ANKS1B: variants seen among roughly 807,000 people sequenced by gnomAD.
The protein encoded by ANKS1B is ankyrin repeat and sterile alpha motif domain-containing protein 1B.
A neutral mutation model predicts 148.3 loss-of-function variants in ANKS1B; 36 were observed. That is an observed-to-expected ratio of 0.24 (90% confidence interval 0.19 to 0.32). ANKS1B has a LOEUF of 0.32. Among genes scored for constraint, ANKS1B ranks in the 10% least tolerant of loss-of-function variants. The probability of loss-of-function intolerance (pLI) is 1.00; values close to 1 mark genes in which losing one functional copy is unlikely to be tolerated. For synonymous variants in ANKS1B, 542 were observed against 560.8 expected (o/e 0.97, Z 0.47); for missense variants, 1,157 against 1,542.6 (o/e 0.75, Z 4.19).
At chr12:98,745,949 A>C in intron 26 of ANKS1B, 100 bp from the exon 27 acceptor site, 3 of 1,303,254 alleles carry the variant, frequency 2.3e-6, no homozygotes, top group Non-Finnish European at 3.1e-6. Flanking sequence ...CCCTCGCCCC[A>C]GGCGCGGGGC....
At chr12:98,841,359 C>T (rs190988837) in intron 17 of ANKS1B, among the ~76,000 whole-genome samples, 40 of 152,170 alleles carry the variant, frequency 2.6e-4, no homozygotes, top group African/African-American at 7.0e-4. Context: ...CTGGTTACTC[C>T]GTTTTTGGAT....
At chr12:99,936,185 A>G (rs1464190843) in intron 1 of ANKS1B, among the ~76,000 whole-genome samples, 1 of 152,192 alleles carries the variant, frequency 6.6e-6, no homozygotes, top group Non-Finnish European at 1.5e-5. Flanking sequence ...GGGTGGGGAC[A>G]TGGAGCCAAA....
intron 17 of ANKS1B, among the ~76,000 whole-genome samples, chr12:99,003,189 C>T (rs914724381): frequency 6.6e-6 from 1 of 152,116 alleles, no homozygotes; most frequent in Non-Finnish European, 1.5e-5. Flanking sequence ...TTCTATTGGT[C>T]TATAGTCTGT....
intron 18 of ANKS1B, chr12:98,830,940 A>ATTCTTTTT (rs1566958832): frequency 8.8e-5 from 4 of 45,526 alleles, no homozygotes; most frequent in Non-Finnish European, 1.2e-4. Context: ...CTACCTCATA[A>ATTCTTTTT]TTTTTTTTTT....
intron 14 of ANKS1B, among the ~76,000 whole-genome samples, chr12:99,200,957 G>A (rs1395166586): frequency 3.9e-5 from 6 of 152,178 alleles, no homozygotes; most frequent in Non-Finnish European, 7.3e-5. Flanking sequence ...TCTCTATGGA[G>A]TGCCATTTGA....
intron 9 of ANKS1B, among the ~76,000 whole-genome samples, chr12:99,530,432 C>T (rs892017176): frequency 6.6e-6 from 1 of 152,158 alleles, no homozygotes; most frequent in African/African-American, 2.4e-5. Flanking sequence ...CAGTTAACTT[C>T]CCTGAGAAAA....
In ANKS1B at chr12:99,177,642, T is replaced by C. The variant is rs1163757560; in HGVS notation, c.2420-23247A>G. Reference sequence around the variant, plus strand: ...CATTAGCACATCCCAGCAGAGGTATTACCCTTGGCCTCCTTAATTCCTGTC... The same window carrying C: ...CATTAGCACATCCCAGCAGAGGTATCACCCTTGGCCTCCTTAATTCCTGTC... On this transcript the variant is annotated intron_variant, in intron 14 of 26. Coordinates refer to ENST00000683438, the MANE Select transcript of ANKS1B (RefSeq NM_001352186.2). 3.3e-5 allele frequency among the ~76,000 whole-genome samples: 5 copies of C among 152,378 alleles called. No homozygotes were observed. In the East Asian group the frequency reaches 9.6e-4, roughly 29 times the overall value.
chr12:98,884,642 A>G (rs1286928767), intron 17 of ANKS1B, among the ~76,000 whole-genome samples: 16 of 151,272 alleles, frequency 1.1e-4, no homozygotes, highest in Admixed American at 1.1e-3. Flanking sequence ...TACTAAAAAT[A>G]CAAAAAATTA....
chr12:99,564,400 T>G (rs1253959298), intron 9 of ANKS1B, among the ~76,000 whole-genome samples: 1 of 149,414 alleles, frequency 6.7e-6, no homozygotes, highest in Non-Finnish European at 1.5e-5. Flanking sequence ...AAAAATTAAG[T>G]TATAATACTC....
At chr12:99,045,683 C>T (rs888236026) in intron 17 of ANKS1B, among the ~76,000 whole-genome samples, 1 of 152,150 alleles carries the variant, frequency 6.6e-6, no homozygotes, top group Non-Finnish European at 1.5e-5. Flanking sequence ...ATGGACACAA[C>T]TAAAAGTCCA....
At chr12:99,032,120 T>C (rs754416171) in intron 17 of ANKS1B, among the ~76,000 whole-genome samples, 4 of 152,130 alleles carry the variant, frequency 2.6e-5, no homozygotes, top group African/African-American at 9.7e-5. Context: ...CAAACCCTCA[T>C]GGGGGTCATG....
At chr12:99,752,531 T>G (rs1411278859) in intron 8 of ANKS1B, among the ~76,000 whole-genome samples, 1 of 152,074 alleles carries the variant, frequency 6.6e-6, no homozygotes, top group Non-Finnish European at 1.5e-5. Context: ...GGATTAGCTT[T>G]AAAATAAGAG....
intron 8 of ANKS1B, among the ~76,000 whole-genome samples, chr12:99,656,753 TA>T (rs34867073): frequency 2.0e-5 from 3 of 150,968 alleles, no homozygotes; most frequent in Non-Finnish European, 3.0e-5. Flanking sequence ...AGACTCAATT[TA>T]AAAAAAAAGA....
intron 1 of ANKS1B, among the ~76,000 whole-genome samples, chr12:99,842,296 CAGAAA>C (rs2085873912): frequency 1.3e-5 from 2 of 152,060 alleles, no homozygotes; most frequent in African/African-American, 4.8e-5. Context: ...ACATTATAGT[CAGAAA>C]AGAATTCTTC....
At chr12:99,971,101 C>T (rs1197448004) in intron 1 of ANKS1B, among the ~76,000 whole-genome samples, 3 of 152,168 alleles carry the variant, frequency 2.0e-5, no homozygotes, top group Non-Finnish European at 4.4e-5. Context: ...AGTTGGATAA[C>T]ACTTGGCTCA....
intron 12 of ANKS1B, among the ~76,000 whole-genome samples, chr12:99,371,758 T>C (rs2152471943): frequency 6.6e-6 from 1 of 152,158 alleles, no homozygotes; most frequent in East Asian, 1.9e-4. Flanking sequence ...CTCTAATTAT[T>C]AAGGAAAAAA....
chr12:99,489,112 C>T (rs112677659), intron 10 of ANKS1B, among the ~76,000 whole-genome samples: 7 of 151,860 alleles, frequency 4.6e-5, no homozygotes, highest in African/African-American at 1.4e-4. Flanking sequence ...CATGGTGGCA[C>T]GCACCTATAA....
At chr12:99,778,483 A>G (rs2063914332) in intron 6 of ANKS1B, among the ~76,000 whole-genome samples, 1 of 149,196 alleles carries the variant, frequency 6.7e-6, no homozygotes, top group African/African-American at 2.5e-5. Flanking sequence ...ACTCCAGCCT[A>G]GGCAATAAGA....
intron 16 of ANKS1B, among the ~76,000 whole-genome samples, chr12:99,066,380 C>T (rs1407993420): frequency 6.6e-6 from 1 of 152,036 alleles, no homozygotes; most frequent in African/African-American, 2.4e-5. Flanking sequence ...GTGAAGATTT[C>T]AAGTAGAGAG....
Sources: gnomAD v4.1 joint callset for allele counts (sites outside exome capture counted in the v4.1 genomes callset) on GRCh38, gnomAD v4.1.1 for gene constraint, MANE v1.5 for transcripts, NCBI Gene and HGNC (gene_info 2026-07-23, HGNC 2026-07-21) for gene names.